Variants in SKAP2 observed in about 807,000 individuals in gnomAD.
SKAP2 encodes the protein src kinase-associated phosphoprotein 2.
In SKAP2, 28 loss-of-function variants were observed where a neutral mutation model predicts 54.9. The observed-to-expected ratio is 0.51, with a 90% CI of 0.38 to 0.70. SKAP2 has a LOEUF of 0.70. SKAP2 is among the 30% of genes least tolerant of loss of function. The pLI, the probability that SKAP2 is intolerant of heterozygous loss-of-function variation, is 0.00. For synonymous variants in SKAP2, 137 were observed against 134.3 expected (o/e 1.02, Z -0.14); for missense variants, 356 against 424.1 (o/e 0.84, Z 1.41).
chr7:26,729,156 C>T (rs577216454), intron 6 of SKAP2, among the ~76,000 whole-genome samples: 1 of 152,132 alleles, frequency 6.6e-6, no homozygotes, highest in East Asian at 1.9e-4. Flanking sequence ...TTAGCCAAAC[C>T]CCCTAGAAAT....
chr7:26,782,206 A>C (rs976376945), intron 4 of SKAP2, among the ~76,000 whole-genome samples: 2 of 152,180 alleles, frequency 1.3e-5, no homozygotes, highest in African/African-American at 4.8e-5. Context: ...ATGTTGAGAA[A>C]ATTCTTGTTG....
chr7:26,820,305 C>T (rs533468376), intron 4 of SKAP2, among the ~76,000 whole-genome samples: 54 of 152,262 alleles, frequency 3.5e-4, no homozygotes, highest in African/African-American at 1.2e-3. Flanking sequence ...CAAAAGTTAC[C>T]TCCTAGTACA....
chr7:26,748,021 A>G (rs1264353399), intron 4 of SKAP2, among the ~76,000 whole-genome samples: 2 of 152,176 alleles, frequency 1.3e-5, no homozygotes, highest in Non-Finnish European at 2.9e-5. Flanking sequence ...ATTATATGAC[A>G]CGGAGTCCAA....
At chr7:26,781,553 T>G (rs1329396435) in intron 4 of SKAP2, among the ~76,000 whole-genome samples, 1 of 152,218 alleles carries the variant, frequency 6.6e-6, no homozygotes, top group Non-Finnish European at 1.5e-5. Flanking sequence ...GGAGACTTAT[T>G]AATGGACACC....
At chr7:26,702,907 C>T (rs926427863) in intron 9 of SKAP2, among the ~76,000 whole-genome samples, 2 of 152,216 alleles carry the variant, frequency 1.3e-5, no homozygotes, top group Admixed American at 6.5e-5. Context: ...CATACCACCA[C>T]GATGTGGTAT....
chr7:26,820,954 T>C (rs1024265742), intron 4 of SKAP2, among the ~76,000 whole-genome samples: 2 of 152,144 alleles, frequency 1.3e-5, no homozygotes, highest in Non-Finnish European at 2.9e-5. Flanking sequence ...CTATTAATTA[T>C]CCCTAATTTT....
rs1584322976 is a variant in SKAP2 at position 26,673,788 on chromosome 7, A to T, written c.988-3596T>A. On this transcript the variant is annotated intron_variant, in intron 11 of 12. Transcript: ENST00000345317. ...TTTATTTGTTTTATTTTGTAGTTGAAATTTTAGTCCCCAATTAATATTTAT... is the reference window on the plus strand; with the variant it reads ...TTTATTTGTTTTATTTTGTAGTTGATATTTTAGTCCCCAATTAATATTTAT... Among the ~76,000 whole-genome samples the T allele has an allele frequency of 2.0e-5, 3 of 152,224 alleles. No homozygotes were observed. In the South Asian group the frequency reaches 6.2e-4, roughly 32 times the overall value.
chr7:26,675,108 G>A (rs1202238464), intron 11 of SKAP2, among the ~76,000 whole-genome samples: 1 of 152,092 alleles, frequency 6.6e-6, no homozygotes, highest in Admixed American at 6.6e-5. Flanking sequence ...CTGGATTACT[G>A]CATTATCAAT....
rs184977626 is a variant in SKAP2, at chr7:26,709,523, T to A, written c.796+15905A>T. On this transcript the variant is annotated intron_variant, in intron 9 of 12. Transcript: ENST00000345317. ...CAAAGTAATTGCCTGAAAGATAATGTTTAAACATTTTCCCCAAGGACTTAT... is the reference window on the plus strand; with the variant it reads ...CAAAGTAATTGCCTGAAAGATAATGATTAAACATTTTCCCCAAGGACTTAT... Among the ~76,000 whole-genome samples, 11 of 152,308 alleles carry A rather than the reference T, an allele frequency of 7.2e-5. No homozygotes were observed. The South Asian group carries it at 8.3e-4, about 11-fold the overall frequency.
chr7:26,847,406 A>G (rs1350267577), intron 3 of SKAP2, among the ~76,000 whole-genome samples: 2 of 152,034 alleles, frequency 1.3e-5, no homozygotes, highest in Non-Finnish European at 2.9e-5. Context: ...AGGAGTTTTA[A>G]CTGAACGCAG....
intron 9 of SKAP2, among the ~76,000 whole-genome samples, chr7:26,715,648 G>T (rs150294843): frequency 1.3e-5 from 2 of 152,178 alleles, no homozygotes; most frequent in East Asian, 3.9e-4. Context: ...GCATGGTGGT[G>T]CACACCTATA....
chr7:26,842,395 T>A (rs185523616), intron 4 of SKAP2, among the ~76,000 whole-genome samples: 8 of 151,776 alleles, frequency 5.3e-5, no homozygotes, highest in African/African-American at 1.9e-4. Flanking sequence ...AAGAAAACAA[T>A]AATGTAAATG....
At chr7:26,711,537 T>G (rs867941608) in intron 9 of SKAP2, among the ~76,000 whole-genome samples, 23 of 152,190 alleles carry the variant, frequency 1.5e-4, no homozygotes, top group African/African-American at 5.3e-4. Flanking sequence ...ATATATTGAT[T>G]TTGTTTAAGG....
intron 4 of SKAP2, among the ~76,000 whole-genome samples, chr7:26,813,486 C>T (rs943149866): frequency 3.9e-5 from 6 of 152,102 alleles, no homozygotes; most frequent in African/African-American, 9.7e-5. Context: ...ATTATTCTAC[C>T]ACCACAAAAG....
At chr7:26,781,189 A>G (rs1393711496) in intron 4 of SKAP2, among the ~76,000 whole-genome samples, 1 of 152,142 alleles carries the variant, frequency 6.6e-6, no homozygotes, top group East Asian at 1.9e-4. Context: ...ACACAGAATC[A>G]ATATAAATGT....
chr7:26,766,455 C>A (rs1372709941), intron 4 of SKAP2, among the ~76,000 whole-genome samples: 2 of 152,160 alleles, frequency 1.3e-5, no homozygotes, highest in Non-Finnish European at 2.9e-5. Context: ...TATTTGAATA[C>A]CCTTTATTTC....
chr7:26,774,039 A>G (rs935644490), intron 4 of SKAP2, among the ~76,000 whole-genome samples: 8 of 152,160 alleles, frequency 5.3e-5, no homozygotes, highest in African/African-American at 1.7e-4. Context: ...TTGGCAGGAC[A>G]TGGTGGCTCA....
downstream of SKAP2, among the ~76,000 whole-genome samples, chr7:26,664,026 G>C (rs1013958321): frequency 6.6e-6 from 1 of 152,128 alleles, no homozygotes; most frequent in Non-Finnish European, 1.5e-5. Flanking sequence ...TTATTTTCTA[G>C]AAATGGTGAC....
At chr7:26,852,205 A>G (rs1584427472) in intron 3 of SKAP2, among the ~76,000 whole-genome samples, 1 of 152,280 alleles carries the variant, frequency 6.6e-6, no homozygotes. Context: ...GCACCACCAA[A>G]ACGTACTTAG....
Sources: gnomAD v4.1 joint callset for allele counts (sites outside exome capture counted in the v4.1 genomes callset) on GRCh38, gnomAD v4.1.1 for gene constraint, MANE v1.5 for transcripts, NCBI Gene and HGNC (gene_info 2026-07-23, HGNC 2026-07-21) for gene names.